Variants in STK39 observed in about 807,000 individuals in gnomAD.
STK39 encodes STE20/SPS1-related proline-alanine-rich protein kinase.
STK39 carries 20 observed loss-of-function variants against 77.8 expected under a neutral mutation model. That is an observed-to-expected ratio of 0.26 (90% CI 0.18 to 0.37). STK39 has a LOEUF of 0.37. Ranked by LOEUF, STK39 falls within the 10% of genes least tolerant of loss-of-function variation. The pLI is 1.00. For missense variants in STK39, 479 were observed against 656.5 expected, an observed-to-expected ratio of 0.73 and a Z score of 2.95; for synonymous variants, 246 against 234.1, an observed-to-expected ratio of 1.05 and a Z score of -0.47.
chr2:168,042,122 T>C (rs1288835799), intron 14 of STK39, among the ~76,000 whole-genome samples: 1 of 152,250 alleles, frequency 6.6e-6, no homozygotes, highest in Non-Finnish European at 1.5e-5. Context: ...ATTGTAATTA[T>C]ATCACTCTGG....
At chr2:168,078,950 G>A (rs1043740083) in intron 10 of STK39, among the ~76,000 whole-genome samples, 4 of 152,004 alleles carry the variant, frequency 2.6e-5, no homozygotes, top group Non-Finnish European at 5.9e-5. Context: ...CCAGCCTCAC[G>A]TCCACCTATC....
chr2:168,105,464 G>A (rs1444909144), intron 10 of STK39, among the ~76,000 whole-genome samples: 1 of 152,196 alleles, frequency 6.6e-6, no homozygotes, highest in Non-Finnish European at 1.5e-5. Context: ...GTTTCAGGGG[G>A]CCCACTTCAG....
chr2:168,053,247 C>G (rs905610085), intron 14 of STK39, among the ~76,000 whole-genome samples: 1 of 152,030 alleles, frequency 6.6e-6, no homozygotes, highest in Non-Finnish European at 1.5e-5. Context: ...TATAAGGAAG[C>G]CATTAAAAAG....
intron 1 of STK39, among the ~76,000 whole-genome samples, chr2:168,206,829 T>A: frequency 6.6e-6 from 1 of 152,092 alleles, no homozygotes; most frequent in East Asian, 1.9e-4. Flanking sequence ...TCAAAGACAG[T>A]GATCAATTTC....
chr2:168,188,482 C>T (rs568695551), intron 1 of STK39, among the ~76,000 whole-genome samples: 1 of 152,298 alleles, frequency 6.6e-6, no homozygotes, highest in South Asian at 2.1e-4. Flanking sequence ...AAAAGTTCAC[C>T]ACAGACTGTT....
At chr2:168,170,924 A>C (rs571516176) in intron 2 of STK39, among the ~76,000 whole-genome samples, 1 of 152,252 alleles carries the variant, frequency 6.6e-6, no homozygotes, top group Non-Finnish European at 1.5e-5. Context: ...GCAAGCAAAC[A>C]AACAAACAAA....
intron 14 of STK39, among the ~76,000 whole-genome samples, chr2:168,038,539 A>T (rs1685017222): frequency 6.6e-6 from 1 of 151,978 alleles, no homozygotes; most frequent in Non-Finnish European, 1.5e-5. Context: ...TAAATAGTAT[A>T]CAAGAAAATA....
chr2:168,158,425 A>AG (rs1359374891), intron 5 of STK39, among the ~76,000 whole-genome samples: 1 of 152,168 alleles, frequency 6.6e-6, no homozygotes, highest in Non-Finnish European at 1.5e-5. Flanking sequence ...AAACCTTACC[A>AG]GGGACACCCT....
intron 16 of STK39, among the ~76,000 whole-genome samples, chr2:167,979,685 T>C (rs1332495557): frequency 1.3e-5 from 2 of 152,238 alleles, no homozygotes; most frequent in Non-Finnish European, 2.9e-5. Context: ...GCATCAGGCA[T>C]AGCTCCAGCA....
chr2:168,148,236 T>TGG (rs1213000328), intron 5 of STK39, among the ~76,000 whole-genome samples: 1 of 152,232 alleles, frequency 6.6e-6, no homozygotes. Context: ...TACTAATACT[T>TGG]CTGTTTGTTT....
chr2:168,016,970 T>C, intron 15 of STK39, 73 bp downstream of exon 15: 1 of 1,231,046 alleles, frequency 8.1e-7, no homozygotes, highest in Non-Finnish European at 1.2e-6. Context: ...TAGCAGATTA[T>C]AACCACATGC....
At chr2:168,007,155 A>G (rs1323947831) in intron 16 of STK39, among the ~76,000 whole-genome samples, 1 of 152,238 alleles carries the variant, frequency 6.6e-6, no homozygotes, top group Non-Finnish European at 1.5e-5. Flanking sequence ...TAGAAGCAGA[A>G]AAAATACACA....
intron 10 of STK39, among the ~76,000 whole-genome samples, chr2:168,114,820 C>A (rs184981531): frequency 6.6e-6 from 1 of 152,214 alleles, no homozygotes; most frequent in East Asian, 1.9e-4. Context: ...ATGATGAAAA[C>A]GGCGTGGTCT....
intron 10 of STK39, among the ~76,000 whole-genome samples, chr2:168,113,651 A>T (rs558567633): frequency 6.6e-6 from 1 of 152,326 alleles, no homozygotes; most frequent in South Asian, 2.1e-4. Flanking sequence ...CCTCTCCAAC[A>T]AGGAGACAAG....
intron 14 of STK39, among the ~76,000 whole-genome samples, chr2:168,057,545 TGCACACACACACACGCATGCACGC>T (rs896625800): frequency 6.6e-6 from 1 of 151,384 alleles, no homozygotes; most frequent in Admixed American, 6.6e-5. Context: ...CACACGCACG[TGCACACACACACACGCATGCACGC>T]GCACACACAC....
At chr2:168,205,357 G>A (rs928434240) in intron 1 of STK39, among the ~76,000 whole-genome samples, 1 of 152,106 alleles carries the variant, frequency 6.6e-6, no homozygotes, top group Admixed American at 6.6e-5. Flanking sequence ...ACCACTATGA[G>A]TGACTTTTAC....
chr2:167,998,076 TTACA>T (rs1410736488), intron 16 of STK39, among the ~76,000 whole-genome samples: 1 of 151,996 alleles, frequency 6.6e-6, no homozygotes, highest in East Asian at 1.9e-4. Context: ...AAAGAAAGTA[TTACA>T]TAAAGAATAA....
At chr2:168,219,846 G>C (rs1436200329) in intron 1 of STK39, among the ~76,000 whole-genome samples, 1 of 148,442 alleles carries the variant, frequency 6.7e-6, no homozygotes, top group Non-Finnish European at 1.5e-5. Flanking sequence ...GAGACGTCAA[G>C]TTCCTTTAAC....
intron 10 of STK39, among the ~76,000 whole-genome samples, chr2:168,102,326 CT>C (rs1686850796): frequency 6.6e-6 from 1 of 152,082 alleles, no homozygotes; most frequent in Admixed American, 6.5e-5. Context: ...TTTTGTCCAT[CT>C]TTTTTATTAG....
Sources: gnomAD v4.1 joint callset for allele counts (sites outside exome capture counted in the v4.1 genomes callset) on GRCh38, gnomAD v4.1.1 for gene constraint, MANE v1.5 for transcripts, NCBI Gene and HGNC (gene_info 2026-07-23, HGNC 2026-07-21) for gene names.